The following LRMDA variants were observed in gnomAD, a reference collection of about 807,000 sequenced individuals.
The protein encoded by LRMDA is leucine-rich melanocyte differentiation-associated protein.
In LRMDA, 18 loss-of-function variants were observed where a neutral mutation model predicts 29.8. The ratio of observed to expected loss-of-function variants is 0.60; its 90% CI spans 0.42 to 0.90. LRMDA has a LOEUF of 0.90. Among genes scored for constraint, LRMDA ranks in the 40% least tolerant of loss-of-function variants. The probability of loss-of-function intolerance (pLI) is 0.00; values close to 1 mark genes in which losing one functional copy is unlikely to be tolerated. For synonymous variants in LRMDA, 125 were observed against 109.4 expected (o/e 1.14, Z -0.89); for missense variants, 273 against 273.9 (o/e 1.00, Z 0.02).
At chr10:76,473,805 C>T (rs1006657473) in intron 6 of LRMDA, among the ~76,000 whole-genome samples, 3 of 151,364 alleles carry the variant, frequency 2.0e-5, no homozygotes, top group Non-Finnish European at 4.4e-5. Context: ...AAAATCTATG[C>T]CCTGAAGAAC....
At chr10:75,612,053 T>C (rs902443962) in intron 2 of LRMDA, among the ~76,000 whole-genome samples, 1 of 152,200 alleles carries the variant, frequency 6.6e-6, no homozygotes, top group African/African-American at 2.4e-5. Context: ...AAAAGGTGAA[T>C]GGGGTTTCTA....
intron 5 of LRMDA, among the ~76,000 whole-genome samples, chr10:76,128,317 A>G (rs531310280): frequency 2.7e-4 from 41 of 152,292 alleles, no homozygotes; most frequent in African/African-American, 9.4e-4. Flanking sequence ...GATGCAAGCC[A>G]TGGGGGCAGC....
chr10:75,752,058 G>T (rs913583807), intron 2 of LRMDA, among the ~76,000 whole-genome samples: 1 of 150,818 alleles, frequency 6.6e-6, no homozygotes, highest in African/African-American at 2.4e-5. Context: ...TATAAACAAA[G>T]ATTGGGACTG....
intron 2 of LRMDA, among the ~76,000 whole-genome samples, chr10:75,821,087 A>G (rs1338970994): frequency 1.3e-5 from 2 of 152,312 alleles, no homozygotes; most frequent in East Asian, 3.9e-4. Flanking sequence ...CCAGACATAC[A>G]AGGAAGAACT....
chr10:75,651,095 AG>A (rs554312971), intron 2 of LRMDA, among the ~76,000 whole-genome samples: 4 of 152,172 alleles, frequency 2.6e-5, no homozygotes, highest in Non-Finnish European at 5.9e-5. Context: ...TGTTAGCCCT[AG>A]AAAGGCCCGT....
In LRMDA at chr10:76,557,239, A is replaced by G. The variant is rs747393642; in HGVS notation, c.632A>G (p.Tyr211Cys). 3.1e-6 allele frequency: 5 copies of G among 1,614,158 alleles called. No homozygotes were observed. The highest frequency in any genetic ancestry group is 2.7e-5 in the African/African-American group (2 of 75,030). ...CTGGGGAAGTGTCGCTACGTTTACT[A>G]TGGGAAAAACTCAGAGGGCAACAGG... The part of the protein sequence containing the change: ...GVLGKCRYVY[Y>C]GKNSEGNRFI... Residue 211 changes from tyrosine to cysteine, a missense_variant, in exon 7 of 7, where the codon TAT (tyrosine) becomes TGT (cysteine). Tyr to Cys is a radical substitution (Grantham distance 194, BLOSUM62 -2). Coordinates refer to ENST00000611255, the MANE Select transcript of LRMDA (RefSeq NM_001305581.2).
intron 6 of LRMDA, among the ~76,000 whole-genome samples, chr10:76,388,053 G>A (rs11001764): frequency 0.31 from 46,665 of 152,068 alleles, 9,194 homozygotes; most frequent in Non-Finnish European, 0.44. Context: ...AATGTAGTAT[G>A]TATTATGAGT....
intron 5 of LRMDA, among the ~76,000 whole-genome samples, chr10:76,142,381 AT>A (rs1337693887): frequency 6.6e-6 from 1 of 152,102 alleles, no homozygotes; most frequent in Admixed American, 6.6e-5. Flanking sequence ...CAGTGTAATC[AT>A]TATCTTGAAT....
rs528856920 is a variant in LRMDA at position 75,563,428 on chromosome 10, T to C, written c.131+124934T>C. 1.3e-3 allele frequency among the ~76,000 whole-genome samples: 196 copies of C among 152,200 alleles called. 1 individual carries two copies. The highest frequency in any genetic ancestry group is 4.5e-3 in the African/African-American group (188 of 41,498). On this transcript the variant is annotated intron_variant, in intron 2 of 6. Coordinates refer to ENST00000611255, the MANE Select transcript of LRMDA (RefSeq NM_001305581.2). ...GTATTGGTTATGCTAGTTATACATT[T>C]GTCTAAATTTTTTTCAAAGTTTTTA...
At chr10:76,103,127 T>C (rs1477081046) in intron 5 of LRMDA, among the ~76,000 whole-genome samples, 5 of 152,228 alleles carry the variant, frequency 3.3e-5, no homozygotes, top group African/African-American at 1.2e-4. Context: ...CTTTTCATTA[T>C]TGAAGTAAGA....
chr10:75,558,994 G>A (rs1251401098), intron 2 of LRMDA, among the ~76,000 whole-genome samples: 40 of 150,400 alleles, frequency 2.7e-4, no homozygotes, highest in South Asian at 1.1e-3. Flanking sequence ...ATAAACATAC[G>A]TGTGCATGTG....
At chr10:76,463,045 TG>T (rs1184923995) in intron 6 of LRMDA, among the ~76,000 whole-genome samples, 2 of 152,128 alleles carry the variant, frequency 1.3e-5, no homozygotes, top group Non-Finnish European at 2.9e-5. Flanking sequence ...TACTAGTCCA[TG>T]GGGTCCCTTG....
intron 6 of LRMDA, among the ~76,000 whole-genome samples, chr10:76,538,751 G>A (rs1191698879): frequency 6.6e-6 from 1 of 151,944 alleles, no homozygotes; most frequent in Admixed American, 6.6e-5. Flanking sequence ...TGTCTTGTAT[G>A]CCTTCTGCCC....
intron 2 of LRMDA, among the ~76,000 whole-genome samples, chr10:75,816,665 G>A (rs900208644): frequency 2.0e-5 from 3 of 152,180 alleles, no homozygotes; most frequent in African/African-American, 7.2e-5. Flanking sequence ...AGTAACAGAA[G>A]CCCATTCAAT....
chr10:76,156,784 A>T (rs1482821286), intron 5 of LRMDA, among the ~76,000 whole-genome samples: 1 of 152,234 alleles, frequency 6.6e-6, no homozygotes, highest in Non-Finnish European at 1.5e-5. Flanking sequence ...ACAAGTGGCT[A>T]TTGGAATGAT....
At chr10:76,387,755 A>C (rs890003681) in intron 6 of LRMDA, among the ~76,000 whole-genome samples, 2 of 152,212 alleles carry the variant, frequency 1.3e-5, no homozygotes, top group Non-Finnish European at 2.9e-5. Flanking sequence ...GCAGAGCACA[A>C]AAATAAGTTT....
At chr10:75,474,783 T>C (rs1405320255) in intron 2 of LRMDA, among the ~76,000 whole-genome samples, 1 of 152,206 alleles carries the variant, frequency 6.6e-6, no homozygotes, top group African/African-American at 2.4e-5. Flanking sequence ...TTGTAAGACG[T>C]GTGTGCATGT....
At chr10:76,407,749 T>A (rs1841917257) in intron 6 of LRMDA, among the ~76,000 whole-genome samples, 1 of 152,190 alleles carries the variant, frequency 6.6e-6, no homozygotes, top group African/African-American at 2.4e-5. Context: ...TTTGTGTTGC[T>A]TATATATAGT....
At chr10:76,478,320 G>A (rs536867004) in intron 6 of LRMDA, among the ~76,000 whole-genome samples, 1 of 152,302 alleles carries the variant, frequency 6.6e-6, no homozygotes, top group South Asian at 2.1e-4. Flanking sequence ...CTGGCCATCA[G>A]AGAAATGCAA....
Sources: gnomAD v4.1 joint callset for allele counts (sites outside exome capture counted in the v4.1 genomes callset) on GRCh38, gnomAD v4.1.1 for gene constraint, MANE v1.5 for transcripts, NCBI Gene and HGNC (gene_info 2026-07-23, HGNC 2026-07-21) for gene names.